The following PTPRD variants were observed in gnomAD, a reference collection of about 807,000 sequenced individuals.
The protein encoded by PTPRD is protein tyrosine phosphatase receptor type D.
A neutral mutation model predicts 214.5 loss-of-function variants in PTPRD; 34 were observed. The ratio of observed to expected loss-of-function variants is 0.16; its 90% CI spans 0.12 to 0.21. The LOEUF (loss-of-function observed/expected upper bound fraction) is 0.21. Ranked by LOEUF, PTPRD falls within the 10% of genes least tolerant of loss-of-function variation. PTPRD has a pLI of 1.00. For synonymous variants in PTPRD, 1,128 were observed against 845.7 expected (o/e 1.33, Z -5.79); for missense variants, 2,545 against 2,398.7 (o/e 1.06, Z -1.27).
intron 3 of PTPRD, among the ~76,000 whole-genome samples, chr9:10,038,427 T>G (rs573132502): frequency 2.8e-4 from 42 of 152,296 alleles, no homozygotes; most frequent in African/African-American, 8.7e-4. Context: ...CTTTATTCTA[T>G]TAATTTGATT....
At chr9:10,027,345 G>A (rs188634542) in intron 4 of PTPRD, among the ~76,000 whole-genome samples, 4 of 152,266 alleles carry the variant, frequency 2.6e-5, no homozygotes, top group East Asian at 3.9e-4. Flanking sequence ...GGGAAAAGAG[G>A]TAGACAGAAT....
At chr9:10,452,571 T>C (rs2098848749) in intron 2 of PTPRD, among the ~76,000 whole-genome samples, 1 of 151,804 alleles carries the variant, frequency 6.6e-6, no homozygotes, top group Non-Finnish European at 1.5e-5. Context: ...CTGATTAGTG[T>C]TGTTCACCTC....
chr9:9,098,206 A>G (rs1033917953), intron 10 of PTPRD, among the ~76,000 whole-genome samples: 2 of 152,180 alleles, frequency 1.3e-5, no homozygotes, highest in African/African-American at 4.8e-5. Flanking sequence ...CCCAAATTCC[A>G]GTGTGCTCTC....
chr9:9,745,682 T>C (rs934892380), intron 6 of PTPRD, among the ~76,000 whole-genome samples: 1 of 152,198 alleles, frequency 6.6e-6, no homozygotes, highest in African/African-American at 2.4e-5. Flanking sequence ...TGTCACAGTC[T>C]AGATAATCTT....
At chr9:9,024,005 A>C (rs529836899) in intron 10 of PTPRD, among the ~76,000 whole-genome samples, 2 of 151,946 alleles carry the variant, frequency 1.3e-5, no homozygotes, top group East Asian at 3.9e-4. Flanking sequence ...TTTTTGTAAA[A>C]ATAATTTAAT....
At chr9:10,046,931 C>T (rs370741399) in intron 3 of PTPRD, among the ~76,000 whole-genome samples, 1 of 151,966 alleles carries the variant, frequency 6.6e-6, no homozygotes, top group East Asian at 1.9e-4. Context: ...CAATTACAGA[C>T]ATCCAAAGTG....
intron 37 of PTPRD, among the ~76,000 whole-genome samples, chr9:8,386,690 G>A (rs1254173028): frequency 1.3e-5 from 2 of 152,120 alleles, no homozygotes; most frequent in African/African-American, 4.8e-5. Context: ...CCTGAAGTCT[G>A]GAGCTATAGA....
At chr9:8,396,748 G>A (rs1278605370) in intron 36 of PTPRD, among the ~76,000 whole-genome samples, 1 of 152,092 alleles carries the variant, frequency 6.6e-6, no homozygotes, top group Non-Finnish European at 1.5e-5. Context: ...CACTTGCTTG[G>A]CTACATGTAA....
intron 12 of PTPRD, among the ~76,000 whole-genome samples, chr9:8,659,464 C>T (rs1354068964): frequency 1.3e-5 from 2 of 152,194 alleles, no homozygotes; most frequent in African/African-American, 4.8e-5. Flanking sequence ...TCAAATACTA[C>T]TACTAAATAA....
intron 7 of PTPRD, among the ~76,000 whole-genome samples, chr9:9,632,028 A>T (rs2095610474): frequency 6.6e-6 from 1 of 152,220 alleles, no homozygotes; most frequent in African/African-American, 2.4e-5. Context: ...AAATCATTCC[A>T]ATGCAAAAGA....
intron 11 of PTPRD, among the ~76,000 whole-genome samples, chr9:8,795,340 A>C (rs974934376): frequency 6.6e-6 from 1 of 151,756 alleles, no homozygotes; most frequent in African/African-American, 2.4e-5. Flanking sequence ...ATTTTTTTCT[A>C]TTTTTTAGTA....
intron 9 of PTPRD, among the ~76,000 whole-genome samples, chr9:9,207,201 C>G (rs138541161): frequency 3.9e-5 from 6 of 152,066 alleles, no homozygotes; most frequent in South Asian, 2.1e-4. Context: ...TAGGGGGAAT[C>G]TAGGAGAGAA....
intron 2 of PTPRD, among the ~76,000 whole-genome samples, chr9:10,560,760 T>C (rs1392222201): frequency 6.6e-6 from 1 of 152,080 alleles, no homozygotes; most frequent in African/African-American, 2.4e-5. Flanking sequence ...AAATGAAGTA[T>C]GAACCAATTA....
At chr9:9,799,695 G>A (rs1308037802) in intron 5 of PTPRD, 1 of 152,128 alleles carries the variant, frequency 6.6e-6, no homozygotes, top group African/African-American at 2.4e-5. Context: ...AGCATTAGAG[G>A]AAGGTTAGGC....
intron 3 of PTPRD, among the ~76,000 whole-genome samples, chr9:10,039,167 A>G (rs928515856): frequency 6.6e-6 from 1 of 152,128 alleles, no homozygotes; most frequent in Non-Finnish European, 1.5e-5. Context: ...TCAAAATTAT[A>G]ATTGAATTCC....
intron 7 of PTPRD, among the ~76,000 whole-genome samples, chr9:9,676,892 T>C (rs1383048577): frequency 6.6e-6 from 1 of 152,216 alleles, no homozygotes; most frequent in African/African-American, 2.4e-5. Flanking sequence ...ATGAGCATTT[T>C]TTCATGTGTT....
chr9:10,250,403 C>T (rs553987094), intron 3 of PTPRD, among the ~76,000 whole-genome samples: 1 of 152,162 alleles, frequency 6.6e-6, no homozygotes, highest in South Asian at 2.1e-4. Context: ...ACAAGATGTA[C>T]TGGAACCAAA....
At chr9:9,001,693 T>G (rs552869133) in intron 11 of PTPRD, among the ~76,000 whole-genome samples, 1 of 152,150 alleles carries the variant, frequency 6.6e-6, no homozygotes, top group African/African-American at 2.4e-5. Flanking sequence ...ATTGCTGCTC[T>G]AGGAAAAATA....
rs148923236 is a variant in PTPRD at position 8,485,281 on chromosome 9, G to A, written c.3099C>T (p.Ser1033=). 6.2e-6 allele frequency: 10 copies of A among 1,614,082 alleles called. No individual in the cohort carries two copies. Among genetic ancestry groups the A allele is most frequent in the Middle Eastern group, 1.6e-4 (1 of 6,062 alleles). The part of the protein sequence containing the change: ...NFHVKAVMKT[S]VLLSWEIPEN... Reference sequence around the variant, plus strand: ...CTGGAATCTCCCAAGACAGCAACACGGAAGTCTTCATTACTGCTTTGACAT... The same window carrying A: ...CTGGAATCTCCCAAGACAGCAACACAGAAGTCTTCATTACTGCTTTGACAT... The change falls in exon 29 of 46, where the codon TCC becomes TCT. Residue 1033 remains serine, a synonymous_variant. Coordinates refer to ENST00000381196, the MANE Select transcript of PTPRD (RefSeq NM_002839.4).
Sources: allele counts gnomAD v4.1 joint callset (sites outside exome capture counted in the v4.1 genomes callset), GRCh38; gene constraint gnomAD v4.1.1; transcripts MANE v1.5; gene names NCBI Gene and HGNC (gene_info 2026-07-23, HGNC 2026-07-21).